Variants in TAOK2 observed in about 807,000 individuals in gnomAD.
TAOK2 encodes TAO kinase 2.
In TAOK2, 42 loss-of-function variants were observed where a neutral mutation model predicts 122.5. The ratio of observed to expected loss-of-function variants is 0.34; its 90% confidence interval spans 0.27 to 0.44. The LOEUF is 0.44. TAOK2 is among the 20% of genes least tolerant of loss of function. The pLI, the probability that TAOK2 is intolerant of heterozygous loss-of-function variation, is 1.00. For missense variants in TAOK2, 1,264 were observed against 1,644.9 expected, an observed-to-expected ratio of 0.77 and a Z score of 4.01; for synonymous variants, 704 against 677.6, an observed-to-expected ratio of 1.04 and a Z score of -0.61.
In TAOK2 at chr16:29,974,089, A is replaced by T. The variant is rs2069378623; in HGVS notation, c.-595A>T. On this transcript the variant is annotated 5_prime_UTR_variant, in exon 1 of 16. Transcript: ENST00000308893. ...TGTCACCCTCGGACCCCGGCGTGAG[A>T]GGGGCCGTGCGGCCGGACGTCCTCG... 1 of 152,192 alleles carries T rather than the reference A, an allele frequency of 6.6e-6. No homozygotes were observed. Among genetic ancestry groups the T allele is most frequent in the South Asian group, 2.1e-4 (1 of 4,844 alleles). 9.4% of individuals were successfully genotyped at this position (152,192 alleles called of 1,614,324 possible). A position where few individuals can be genotyped will look rare whatever the true frequency, so the allele number is the denominator to read the frequency against.
downstream of TAOK2, chr16:29,988,495 AC>A (rs1033610205): frequency 8.4e-7 from 1 of 1,192,364 alleles, no homozygotes; most frequent in African/African-American, 1.6e-5. Context: ...TGACCTCTTC[AC>A]CCCATCTCCG....
Position 29,977,729 on chromosome 16 carries a change from A to G in TAOK2, c.-35-9A>G. ...CTTGATCTCTAAGGGTCCCATTTCCATTCCTCAGGCCAGGCCCCACTCTCA... is the reference window on the plus strand; with the variant it reads ...CTTGATCTCTAAGGGTCCCATTTCCGTTCCTCAGGCCAGGCCCCACTCTCA... On this transcript the variant is annotated splice_polypyrimidine_tract_variant and intron_variant, in intron 1 of 15. Transcript: ENST00000308893. The G allele has an allele frequency of 6.2e-7, 1 of 1,606,650 alleles. No individual in the cohort carries two copies. Among genetic ancestry groups the G allele is most frequent in the Non-Finnish European group, 8.5e-7 (1 of 1,177,632 alleles).
Position 29,978,899 on chromosome 16 carries a change from G to A in TAOK2, c.352+55G>A, listed in dbSNP as rs902600493. 18 of 1,613,660 alleles carry A rather than the reference G, an allele frequency of 1.1e-5. No individual in the cohort carries two copies. The African/African-American group carries it at 1.6e-4, about 14-fold the overall frequency. ...AAGGGAGAAGAGCAGGGGAGCCATA[G>A]GGAAGGGTTAAGGGGAGTTTATTCC... On this transcript the variant is annotated intron_variant, in intron 5 of 15. Coordinates refer to ENST00000308893, the MANE Select transcript of TAOK2 (RefSeq NM_016151.4).
chr16:29,977,986 C>A, intron 2 of TAOK2, 82 bp downstream of exon 2: 1 of 1,611,486 alleles, frequency 6.2e-7, no homozygotes, highest in Non-Finnish European at 8.5e-7. Context: ...TTGCACACTA[C>A]TCCATCACAC....
downstream of TAOK2, chr16:29,991,104 C>A: frequency 6.3e-7 from 1 of 1,598,072 alleles, no homozygotes; most frequent in Non-Finnish European, 8.5e-7. This position sits in a 1 kb window ranked among gnomAD's most constrained non-coding sequence, Gnocchi z 5.6. Context: ...CCGCAGTCTG[C>A]TTGAGCGGCA....
At chr16:29,990,390 A>G (rs1361526687), downstream of TAOK2, 1 of 166,236 alleles carries the variant, frequency 6.0e-6, no homozygotes, top group East Asian at 1.7e-4. Flanking sequence ...CATACTTTAC[A>G]TTTACTTTCT....
At position 29,979,213 on chromosome 16, in the gene TAOK2, C is replaced by A. The variant is rs1437221463; in HGVS notation, c.468C>A (p.Asn156Lys). Residue 156 changes from asparagine to lysine, a missense_variant, in exon 7 of 16, where the codon AAC becomes AAA. By Grantham distance (94) the Asn-to-Lys change is moderately conservative. Around this residue, in one of 4 missense-constraint regions of TAOK2, gnomAD observed 254 missense variants for 503.8 expected, o/e 0.50. Coordinates refer to ENST00000308893, the MANE Select transcript of TAOK2 (RefSeq NM_016151.4). The surrounding 1 kb of genome is among the most constrained non-coding windows in gnomAD (Gnocchi z 4.1). ...NMIHRDVKAGNILLSEPGLVK... is the reference protein window; with the variant it reads ...NMIHRDVKAGKILLSEPGLVK... Reference sequence around the variant, plus strand: ...CTGGCAGGGATGTGAAGGCTGGAAACATCCTGCTGTCAGAGCCAGGGTTAG... The same window carrying A: ...CTGGCAGGGATGTGAAGGCTGGAAAAATCCTGCTGTCAGAGCCAGGGTTAG... 6.2e-7 allele frequency: 1 copy of A among 1,614,112 alleles called. No homozygotes were observed. The highest frequency in any genetic ancestry group is 8.5e-7 in the Non-Finnish European group (1 of 1,180,048).
At position 29,979,314 on chromosome 16, in the gene TAOK2, T is replaced by A; in HGVS notation, c.563+6T>A. The A allele has an allele frequency of 6.2e-7, 1 of 1,613,636 alleles. No homozygotes were observed. The highest frequency in any genetic ancestry group is 1.1e-5 in the South Asian group (1 of 91,040). ...TTCGTGGGCACCCCATACTGGTGAGTGAGTGAGTGGTGGTGAGTGGAGAGA... is the reference window on the plus strand; with the variant it reads ...TTCGTGGGCACCCCATACTGGTGAGAGAGTGAGTGGTGGTGAGTGGAGAGA... On this transcript the variant is annotated splice_donor_region_variant and intron_variant, in intron 7 of 15. Transcript: ENST00000308893. This position sits in a 1 kb window ranked among gnomAD's most constrained non-coding sequence, Gnocchi z 4.1.
chr16:29,988,717 C>T, downstream of TAOK2: 1 of 985,408 alleles, frequency 1.0e-6, no homozygotes, highest in Non-Finnish European at 1.2e-6. Flanking sequence ...CCAACCATGG[C>T]TGCAGGGGAC....
Position 29,985,947 on chromosome 16 carries a change from T to G in TAOK2, c.1992+86T>G. On this transcript the variant is annotated intron_variant, in intron 15 of 15. Coordinates refer to ENST00000308893, the MANE Select transcript of TAOK2 (RefSeq NM_016151.4). This position sits in a 1 kb window ranked among gnomAD's most constrained non-coding sequence, Gnocchi z 6.9. The stretch of plus-strand genomic sequence containing the variant: ...TTCCATTTTCCTCATTCTTGTCTTC[T>G]TTCTCCTTGGCCCTCGAGTGTTACA... 6.8e-7 allele frequency: 1 copy of G among 1,476,466 alleles called. No individual in the cohort carries two copies. Among genetic ancestry groups the G allele is most frequent in the Non-Finnish European group, 9.2e-7 (1 of 1,084,750 alleles). The allele number at this position is 1,476,466 out of a possible 1,614,324, so 91.5% of individuals were successfully genotyped here. A position where few individuals can be genotyped will look rare whatever the true frequency, so the allele number is the denominator to read the frequency against.
chr16:29,984,912 C>A (rs1238987546), intron 13 of TAOK2, among the ~76,000 whole-genome samples: 1 of 152,168 alleles, frequency 6.6e-6, no homozygotes, highest in Non-Finnish European at 1.5e-5. Flanking sequence ...AGTGGCAAAG[C>A]TGGGATTTGA....
At chr16:29,984,104 G>A (rs766672789) in intron 13 of TAOK2, among the ~76,000 whole-genome samples, 2 of 152,218 alleles carry the variant, frequency 1.3e-5, no homozygotes, top group Non-Finnish European at 2.9e-5. Flanking sequence ...CATCATGATA[G>A]GTTTGCCAGA....
In TAOK2 at chr16:29,979,943, A is replaced by G. The variant is rs1235304103; in HGVS notation, c.655+435A>G. Among the ~76,000 whole-genome samples the G allele has an allele frequency of 6.6e-6, 1 of 152,224 alleles. No homozygotes were observed. Among genetic ancestry groups the G allele is most frequent in the African/African-American group, 2.4e-5 (1 of 41,454 alleles). On this transcript the variant is annotated intron_variant, in intron 8 of 15. Coordinates refer to ENST00000308893, the MANE Select transcript of TAOK2 (RefSeq NM_016151.4). The surrounding 1 kb of genome is among the most constrained non-coding windows in gnomAD (Gnocchi z 4.1). ...GGGACTTGACCTAGTTTAGGGGCTGAAGAAGGCCTCCTTGTAGGAGAATAT... is the reference window on the plus strand; with the variant it reads ...GGGACTTGACCTAGTTTAGGGGCTGGAGAAGGCCTCCTTGTAGGAGAATAT...
chr16:29,990,881 AG>A, downstream of TAOK2: 1 of 1,613,716 alleles, frequency 6.2e-7, no homozygotes, highest in African/African-American at 1.3e-5. Context: ...AGCAAGATCA[AG>A]ATCCGCACAG....
chr16:29,986,390 C>A lies in TAOK2; in HGVS notation c.2118C>A (p.Thr706=), dbSNP rs763482453. Residue 706 remains threonine, a synonymous_variant, in exon 16 of 16, where the codon ACC becomes ACA. Transcript: ENST00000308893. The surrounding 1 kb of genome is among the most constrained non-coding windows in gnomAD (Gnocchi z 4.2). The part of the protein sequence containing the change: ...QAVQRTRAEL[T]RLQHQTELGN... Reference sequence around the variant, plus strand: ...TGCAGCGCACGCGGGCTGAGCTCACCCGCCTGCAGCACCAGACGGAGCTGG... The same window carrying A: ...TGCAGCGCACGCGGGCTGAGCTCACACGCCTGCAGCACCAGACGGAGCTGG... 2 of 1,610,888 alleles carry A rather than the reference C, an allele frequency of 1.2e-6. No homozygotes were observed. The highest frequency in any genetic ancestry group is 1.7e-6 in the Non-Finnish European group (2 of 1,178,322).
chr16:29,989,483 TTC>T (rs1287142754), downstream of TAOK2: 78 of 1,542,078 alleles, frequency 5.1e-5, no homozygotes, highest in Admixed American at 1.7e-4. Flanking sequence ...TCCTCTCCTC[TTC>T]TCTCTCTTCT....
Position 29,987,305 on chromosome 16 carries a change from C to A in TAOK2, c.3033C>A (p.His1011Gln), listed in dbSNP as rs1596617387. 1.3e-6 allele frequency: 2 copies of A among 1,526,898 alleles called. No homozygotes were observed. The highest frequency in any genetic ancestry group is 1.8e-6 in the Non-Finnish European group (2 of 1,140,106). 94.6% of individuals were successfully genotyped at this position (1,526,898 alleles called of 1,614,324 possible). A position where few individuals can be genotyped will look rare whatever the true frequency, so the allele number is the denominator to read the frequency against. Residue 1011 changes from histidine to glutamine, a missense_variant, in exon 16 of 16, where the codon CAC (histidine) becomes CAA (glutamine). Transcript: ENST00000308893. ...ASYLLLCTALHLPSSLFLLLA... is the reference protein window; with the variant it reads ...ASYLLLCTALQLPSSLFLLLA... ...ACCTGCTCCTTTGTACAGCCCTGCA[C>A]CTGCCCTCCAGTCTTTTCCTACTCC...
At chr16:29,989,864 A>C, downstream of TAOK2, 2 of 1,565,096 alleles carry the variant, frequency 1.3e-6, no homozygotes, top group South Asian at 1.1e-5. Flanking sequence ...ACTTTGCTTT[A>C]GAGAAATGGA....
In TAOK2 at chr16:29,986,332, C is replaced by T. The variant is rs372787552; in HGVS notation, c.2060C>T (p.Thr687Met). 41 of 1,575,174 alleles carry T rather than the reference C, an allele frequency of 2.6e-5. No individual in the cohort carries two copies. Among genetic ancestry groups the T allele is most frequent in the Non-Finnish European group, 3.3e-5 (38 of 1,158,384 alleles). ...CALLLRQHEA[T>M]RELELRQLQA... The stretch of plus-strand genomic sequence containing the variant: ...CTGCTGCTTCGGCAGCACGAGGCCA[C>T]GCGGGAGCTGGAGCTGCGGCAGCTC... Residue 687 changes from threonine (T) to methionine (M), a missense_variant, in exon 16 of 16, where the codon ACG becomes ATG. Physicochemically the swap from Thr to Met is moderately conservative, Grantham distance 81. This residue lies in a region of TAOK2 where 824 missense variants were observed against 908.7 expected (regional missense o/e 0.91). Coordinates refer to ENST00000308893, the MANE Select transcript of TAOK2 (RefSeq NM_016151.4). The surrounding 1 kb of genome is among the most constrained non-coding windows in gnomAD (Gnocchi z 4.2).
Sources: allele counts gnomAD v4.1 joint callset (sites outside exome capture counted in the v4.1 genomes callset), GRCh38; gene constraint gnomAD v4.1.1; regional missense constraint gnomAD v4.1.1; non-coding constraint Gnocchi (gnomAD v3.1); transcripts MANE v1.5; gene names NCBI Gene and HGNC (gene_info 2026-07-23, HGNC 2026-07-21).